Variants in GARNL3 observed in about 807,000 individuals in gnomAD.
GARNL3 encodes the protein GTPase activating Rap/RanGAP domain like 3.
A neutral mutation model predicts 125.0 loss-of-function variants in GARNL3; 63 were observed. The observed-to-expected ratio is 0.50, with a 90% CI of 0.41 to 0.62. The LOEUF (loss-of-function observed/expected upper bound fraction) is 0.62, where lower values mean the gene tolerates loss of function less well. Ranked by LOEUF, GARNL3 falls within the 20% of genes least tolerant of loss-of-function variation. The probability of loss-of-function intolerance (pLI) is 0.00; values close to 1 mark genes in which losing one functional copy is unlikely to be tolerated. For missense variants in GARNL3, 994 were observed against 1,244.0 expected (o/e 0.80, Z 3.02); for synonymous variants, 439 against 457.5 (o/e 0.96, Z 0.52).
chr9:127,287,452 A>G (rs2064283421), intron 1 of GARNL3, among the ~76,000 whole-genome samples: 1 of 152,256 alleles, frequency 6.6e-6, no homozygotes, highest in African/African-American at 2.4e-5. Flanking sequence ...CAGCTTCTGT[A>G]CTGCGTTAAA....
chr9:127,260,513 C>T (rs1049361323), upstream of GARNL3, among the ~76,000 whole-genome samples: 6 of 152,166 alleles, frequency 3.9e-5, no homozygotes, highest in African/African-American at 1.4e-4. Flanking sequence ...CTAAAACCAA[C>T]AGTAGGGATT....
intron 2 of GARNL3, among the ~76,000 whole-genome samples, chr9:127,254,708 A>T (rs1483367639): frequency 2.0e-5 from 3 of 151,898 alleles, no homozygotes; most frequent in African/African-American, 7.3e-5. Context: ...GGTGGAGGTT[A>T]CAATGAGCCA....
In GARNL3 at chr9:127,273,302, G is replaced by T. The variant is rs148777626; in HGVS notation, c.144+8281G>T. Among the ~76,000 whole-genome samples the T allele has an allele frequency of 3.8e-3, 574 of 152,190 alleles. 7 individuals carry two copies. The highest frequency in any genetic ancestry group is 0.022 in the East Asian group (114 of 5,172). On this transcript the variant is annotated intron_variant, in intron 1 of 27. Coordinates refer to ENST00000373387, the MANE Select transcript of GARNL3 (RefSeq NM_032293.5). The stretch of plus-strand genomic sequence containing the variant: ...TCGCCTGCAAGCCCATGCTCTTAAA[G>T]CCCTGCTGTGTATAGAGTGTTTCCT...
intron 7 of GARNL3, among the ~76,000 whole-genome samples, chr9:127,327,389 A>G (rs1379800131): frequency 1.3e-5 from 2 of 152,192 alleles, no homozygotes; most frequent in Non-Finnish European, 2.9e-5. Context: ...GGTTTTTTAC[A>G]TTGAACAGAG....
In GARNL3 at chr9:127,323,770, T is replaced by C. The variant is rs1329512331; in HGVS notation, c.568-1299T>C. Among the ~76,000 whole-genome samples, 8 of 151,718 alleles carry C rather than the reference T, an allele frequency of 5.3e-5. No homozygotes were observed. The East Asian group carries it at 1.4e-3, about 26-fold the overall frequency. On this transcript the variant is annotated intron_variant, in intron 6 of 27. Transcript: ENST00000373387. ...AACTGCACCCCCCCATAAATATATA[T>C]ATATACACCTACTGATGTACCCATA...
chr9:127,270,055 T>G (rs1395705030), intron 1 of GARNL3, among the ~76,000 whole-genome samples: 1 of 152,162 alleles, frequency 6.6e-6, no homozygotes, highest in East Asian at 1.9e-4. Context: ...TTCTAAGGCT[T>G]TTATGGTTTT....
intron 6 of GARNL3, among the ~76,000 whole-genome samples, chr9:127,324,177 T>C (rs2065491809): frequency 6.6e-6 from 1 of 152,014 alleles, no homozygotes; most frequent in African/African-American, 2.4e-5. Flanking sequence ...CTTGAGCTCA[T>C]GAGGTCGAGG....
chr9:127,324,854 C>T (rs1005217949), intron 6 of GARNL3, among the ~76,000 whole-genome samples: 1 of 152,192 alleles, frequency 6.6e-6, no homozygotes, highest in South Asian at 2.1e-4. Flanking sequence ...GCTGCTCTTA[C>T]GAGATGGTCT....
chr9:127,359,496 A>T (rs2131692783), intron 21 of GARNL3, among the ~76,000 whole-genome samples: 1 of 152,230 alleles, frequency 6.6e-6, no homozygotes, highest in South Asian at 2.1e-4. Flanking sequence ...CTCCAAAAAA[A>T]AAAAAAGTTC....
chr9:127,368,008 C>CT (rs10573639), intron 22 of GARNL3, among the ~76,000 whole-genome samples: 1,383 of 81,754 alleles, frequency 0.017, 7 homozygotes, highest in African/African-American at 0.029. Flanking sequence ...CATAGACTTT[C>CT]TTTTTTTTTT....
At chr9:127,322,258 C>T (rs1158336713) in intron 6 of GARNL3, among the ~76,000 whole-genome samples, 1 of 151,984 alleles carries the variant, frequency 6.6e-6, no homozygotes, top group Non-Finnish European at 1.5e-5. Context: ...TCCCCCACAC[C>T]AACTCTGCTT....
At chr9:127,271,272 T>G (rs1179547305) in intron 1 of GARNL3, among the ~76,000 whole-genome samples, 1 of 150,360 alleles carries the variant, frequency 6.7e-6, no homozygotes, top group Non-Finnish European at 1.5e-5. Context: ...ATATAGATTA[T>G]GAACTCCCTA....
In GARNL3 at chr9:127,233,081, G is replaced by T. The variant is rs547710458; in HGVS notation, c.-29+8743G>T. Among the ~76,000 whole-genome samples the T allele has an allele frequency of 3.3e-5, 5 of 151,922 alleles. No individual in the cohort carries two copies. In the South Asian group the frequency reaches 1.0e-3, roughly 32 times the overall value. Reference sequence around the variant, plus strand: ...AGAAAATAAAAAATAAAAATTAGTTGGGCATGGTATTGCATGCCTGTAGTC... The same window carrying T: ...AGAAAATAAAAAATAAAAATTAGTTTGGCATGGTATTGCATGCCTGTAGTC... On this transcript the variant is annotated intron_variant, in intron 1 of 10. Transcript: ENST00000439286.
intron 1 of GARNL3, among the ~76,000 whole-genome samples, chr9:127,277,684 G>A (rs1442479795): frequency 6.6e-6 from 1 of 151,920 alleles, no homozygotes. Flanking sequence ...CCATGATCCA[G>A]CAAACGGACC....
chr9:127,249,391 C>T (rs146964985), intron 2 of GARNL3, among the ~76,000 whole-genome samples: 17 of 151,486 alleles, frequency 1.1e-4, no homozygotes, highest in Middle Eastern at 3.4e-3. Context: ...CAAGACCAGC[C>T]CGGGCAACAT....
Position 127,344,277 on chromosome 9 carries a change from T to C in GARNL3, c.1294T>C (p.Ser432Pro). 1 of 1,614,044 alleles carries C rather than the reference T, an allele frequency of 6.2e-7. No homozygotes were observed. The highest frequency in any genetic ancestry group is 8.5e-7 in the Non-Finnish European group (1 of 1,179,944). Residue 432 changes from serine (S) to proline (P), a missense_variant, in exon 15 of 28, where the codon TCA becomes CCA. Transcript: ENST00000373387. ...RRSFSDVLPE[S>P]PKSARKKEEA... ...ATCTTTTAGTGATGTCTTACCAGAG[T>C]CACCCAAGTCAGCGCGGAAGAAAGA... is the stretch of plus-strand genomic sequence containing the variant.
intron 2 of GARNL3, among the ~76,000 whole-genome samples, chr9:127,256,700 C>G (rs1035241301): frequency 6.6e-6 from 1 of 152,154 alleles, no homozygotes; most frequent in African/African-American, 2.4e-5. Context: ...ATTATAGATT[C>G]ATGTGCAGTG....
intron 21 of GARNL3, chr9:127,362,472 G>A (rs1012470996): frequency 6.6e-6 from 1 of 152,226 alleles, no homozygotes; most frequent in Non-Finnish European, 1.5e-5. Flanking sequence ...GCAGGACTTG[G>A]ACCCCAGCTG....
At chr9:127,226,003 C>T (rs2062906024) in intron 1 of GARNL3, among the ~76,000 whole-genome samples, 1 of 152,212 alleles carries the variant, frequency 6.6e-6, no homozygotes. Flanking sequence ...CCTGCTTCGA[C>T]GTCGCTCAAG....
Sources: gnomAD v4.1 joint callset for allele counts (sites outside exome capture counted in the v4.1 genomes callset) on GRCh38, gnomAD v4.1.1 for gene constraint, MANE v1.5 for transcripts, NCBI Gene and HGNC (gene_info 2026-07-23, HGNC 2026-07-21) for gene names.